Variants in SNTG1 observed in about 807,000 individuals in gnomAD.
The protein encoded by SNTG1 is gamma-1-syntrophin.
In SNTG1, 39 loss-of-function variants were observed where a neutral mutation model predicts 74.7. The ratio of observed to expected loss-of-function variants is 0.52; its 90% CI spans 0.40 to 0.68. The LOEUF is 0.68. Among genes scored for constraint, SNTG1 ranks in the 30% least tolerant of loss-of-function variants. The probability of loss-of-function intolerance (pLI) is 0.00; values close to 1 mark genes in which losing one functional copy is unlikely to be tolerated. For synonymous variants in SNTG1, 254 were observed against 217.1 expected, an observed-to-expected ratio of 1.17 and a Z score of -1.49; for missense variants, 685 against 609.5, an observed-to-expected ratio of 1.12 and a Z score of -1.30.
At chr8:50,523,000 A>G (rs1349922285) in intron 9 of SNTG1, among the ~76,000 whole-genome samples, 1 of 152,202 alleles carries the variant, frequency 6.6e-6, no homozygotes, top group Non-Finnish European at 1.5e-5. Flanking sequence ...AGCCCTAGTT[A>G]TAGCTTCTAA....
At chr8:50,555,629 G>A (rs963103872) in intron 12 of SNTG1, among the ~76,000 whole-genome samples, 6 of 152,074 alleles carry the variant, frequency 3.9e-5, no homozygotes, top group African/African-American at 1.4e-4. Context: ...TATTCTGAGA[G>A]TATAGGCTTG....
chr8:50,689,596 G>A (rs1052488206), intron 15 of SNTG1, among the ~76,000 whole-genome samples: 1 of 144,630 alleles, frequency 6.9e-6, no homozygotes, highest in African/African-American at 2.5e-5. Context: ...CGGGGATGAA[G>A]CCCACTTGAT....
rs531213139 is a variant in SNTG1 at position 50,760,529 on chromosome 8, A to G, written c.1395+8418A>G. 1.5e-3 allele frequency among the ~76,000 whole-genome samples: 222 copies of G among 152,112 alleles called. 1 individual carries two copies. The highest frequency in any genetic ancestry group is 5.0e-3 in the African/African-American group (208 of 41,558). On this transcript the variant is annotated intron_variant, in intron 18 of 18. Coordinates refer to ENST00000642720, the MANE Select transcript of SNTG1 (RefSeq NM_018967.5). ...GATATGTTCCATCAATAACTAGTTT[A>G]TTGAGAGCTTTTAGCATGAAGGGTG... is the stretch of plus-strand genomic sequence containing the variant.
At chr8:50,133,769 C>T (rs1187779268) in intron 1 of SNTG1, among the ~76,000 whole-genome samples, 3 of 152,176 alleles carry the variant, frequency 2.0e-5, no homozygotes, top group Admixed American at 6.6e-5. Context: ...ATTCAGGGCC[C>T]ACCCTACTCC....
At chr8:50,096,056 G>T (rs181564529) in intron 1 of SNTG1, among the ~76,000 whole-genome samples, 1 of 151,956 alleles carries the variant, frequency 6.6e-6, no homozygotes, top group East Asian at 1.9e-4. Context: ...GCTAAAACCT[G>T]GAAATTGCAC....
intron 1 of SNTG1, among the ~76,000 whole-genome samples, chr8:49,966,860 A>G (rs1811186309): frequency 6.6e-6 from 1 of 152,184 alleles, no homozygotes; most frequent in African/African-American, 2.4e-5. Flanking sequence ...TACTTTGTGT[A>G]TATCTAGCAT....
chr8:50,005,353 C>G (rs1391539942), intron 1 of SNTG1, among the ~76,000 whole-genome samples: 1 of 150,992 alleles, frequency 6.6e-6, no homozygotes, highest in Non-Finnish European at 1.5e-5. Context: ...GATTATTTAC[C>G]TTTAATTGAA....
intron 12 of SNTG1, among the ~76,000 whole-genome samples, chr8:50,585,208 C>T (rs1171838317): frequency 6.6e-6 from 1 of 152,122 alleles, no homozygotes; most frequent in Non-Finnish European, 1.5e-5. Flanking sequence ...CTTAACGTGG[C>T]CTTCATTTAT....
At position 50,471,093 on chromosome 8, in the gene SNTG1, C is replaced by T. The variant is rs186176749; in HGVS notation, c.363+20364C>T. ...CACAGAGTGCTGATTGGTGCATTTA[C>T]AATCCTTTAGCTAGACAGAAAAGTT... On this transcript the variant is annotated intron_variant, in intron 8 of 18. Transcript: ENST00000642720. Among the ~76,000 whole-genome samples, 291 of 152,168 alleles carry T rather than the reference C, an allele frequency of 1.9e-3. 2 individuals are homozygous for T. Among genetic ancestry groups the T allele is most frequent in the African/African-American group, 6.6e-3 (272 of 41,508 alleles).
intron 2 of SNTG1, among the ~76,000 whole-genome samples, chr8:50,366,295 G>A (rs549219544): frequency 1.1e-4 from 16 of 152,240 alleles, no homozygotes; most frequent in Admixed American, 3.9e-4. Flanking sequence ...ACATGGTTGC[G>A]CCCAAGATCA....
chr8:50,377,006 G>A (rs1431011067), intron 2 of SNTG1, among the ~76,000 whole-genome samples: 1 of 152,020 alleles, frequency 6.6e-6, no homozygotes, highest in Non-Finnish European at 1.5e-5. Flanking sequence ...CCAGACTCCG[G>A]CTCCTGCCTG....
In SNTG1 at chr8:50,459,188, TAG is replaced by T. The variant is rs1369388678; in HGVS notation, c.363+8462_363+8463del. On this transcript the variant is annotated intron_variant, in intron 8 of 18. Coordinates refer to ENST00000642720, the MANE Select transcript of SNTG1 (RefSeq NM_018967.5). The stretch of plus-strand genomic sequence containing the variant: ...GTTGAAAATGAGTTGCCCTAAATGT[TAG>T]AGTTTATTTCCAAATTCTTAATGCT... 2.6e-5 allele frequency among the ~76,000 whole-genome samples: 4 copies of T among 152,292 alleles called. No homozygotes were observed. In the East Asian group the frequency reaches 7.7e-4, roughly 29 times the overall value.
intron 9 of SNTG1, among the ~76,000 whole-genome samples, chr8:50,527,306 C>A (rs2094229093): frequency 6.6e-6 from 1 of 151,996 alleles, no homozygotes; most frequent in African/African-American, 2.4e-5. Context: ...ACATTTTTCA[C>A]TTGAGGTTGT....
At chr8:49,914,532 C>T (rs1805857416) in intron 1 of SNTG1, among the ~76,000 whole-genome samples, 1 of 152,082 alleles carries the variant, frequency 6.6e-6, no homozygotes. Flanking sequence ...CAATTGCCTT[C>T]TTCCAAAATG....
chr8:50,601,923 T>C (rs569845818), intron 13 of SNTG1, among the ~76,000 whole-genome samples: 85 of 152,288 alleles, frequency 5.6e-4, no homozygotes, highest in Non-Finnish European at 9.4e-4. Flanking sequence ...TTGTCTGGTA[T>C]AAGTATAGCT....
intron 2 of SNTG1, among the ~76,000 whole-genome samples, chr8:50,213,117 C>A (rs951707437): frequency 2.6e-5 from 4 of 152,172 alleles, no homozygotes; most frequent in African/African-American, 9.7e-5. Context: ...AGACACACAT[C>A]ATCACTTATC....
At chr8:50,102,403 GTTGT>G (rs1459913942) in intron 1 of SNTG1, among the ~76,000 whole-genome samples, 1 of 150,738 alleles carries the variant, frequency 6.6e-6, no homozygotes, top group African/African-American at 2.4e-5. Context: ...TTTTGATGGG[GTTGT>G]TTGTTTTTTT....
At chr8:49,928,409 T>C (rs1211723755) in intron 1 of SNTG1, among the ~76,000 whole-genome samples, 1 of 151,922 alleles carries the variant, frequency 6.6e-6, no homozygotes, top group Non-Finnish European at 1.5e-5. Flanking sequence ...TTTTTTATTT[T>C]TAGTAGAGAC....
chr8:49,949,003 A>G (rs1809462652), intron 1 of SNTG1, among the ~76,000 whole-genome samples: 1 of 152,172 alleles, frequency 6.6e-6, no homozygotes, highest in Non-Finnish European at 1.5e-5. Context: ...AGGTGCACCG[A>G]TCCTCACCCA....
Sources: gnomAD v4.1 joint callset for allele counts (sites outside exome capture counted in the v4.1 genomes callset) on GRCh38, gnomAD v4.1.1 for gene constraint, MANE v1.5 for transcripts, NCBI Gene and HGNC (gene_info 2026-07-23, HGNC 2026-07-21) for gene names.